The following FANCB variants were observed in gnomAD, a reference collection of about 807,000 sequenced individuals.
FANCB encodes the protein FA complementation group B.
A neutral mutation model predicts 38.9 loss-of-function variants in FANCB; 5 were observed. That is an observed-to-expected ratio of 0.13 (90% CI 0.07 to 0.27). FANCB has a LOEUF of 0.27. Ranked by LOEUF, FANCB falls within the 10% of genes least tolerant of loss-of-function variation. The pLI is 1.00. For missense variants in FANCB, 573 were observed against 602.7 expected (o/e 0.95, Z 0.52); for synonymous variants, 236 against 215.4 (o/e 1.10, Z -0.84).
the FANCB span, chrX:14,731,452 G>A: frequency 8.9e-6 from 1 of 111,941 alleles, no homozygotes; most frequent in African/African-American, 3.3e-5. Flanking sequence ...TGTAGCTCAG[G>A]TCAGCTTGAA....
chrX:14,853,295 T>G, intron 5 of FANCB, 128 bp from the exon 6 acceptor site: 1 of 572,627 alleles, frequency 1.7e-6, no homozygotes. Flanking sequence ...AATAAAATAC[T>G]TCTCAGAGCA....
the FANCB span, among the ~76,000 whole-genome samples, chrX:14,728,960 C>A: frequency 3.6e-4 from 41 of 112,329 alleles, no homozygotes; most frequent in East Asian, 0.011. Flanking sequence ...TGAAATAGTT[C>A]TTCTCACCTT....
chrX:14,746,801 G>A, the FANCB span, among the ~76,000 whole-genome samples: 1 of 112,068 alleles, frequency 8.9e-6, no homozygotes, highest in Non-Finnish European at 1.9e-5. Flanking sequence ...AGTATCAAAT[G>A]TGCCACTTTC....
At chrX:14,729,175 C>A in the FANCB span, among the ~76,000 whole-genome samples, 1 of 111,998 alleles carries the variant, frequency 8.9e-6, no homozygotes, top group Admixed American at 9.5e-5. Flanking sequence ...ACCAAGTTTC[C>A]TTGTCTTTTG....
At chrX:14,869,162 A>C (rs1454655315) in intron 1 of FANCB, 119 bp from the exon 2 acceptor site, 1 of 112,179 alleles carries the variant, frequency 8.9e-6, no homozygotes, top group Non-Finnish European at 1.9e-5. Context: ...AAAGCATGAA[A>C]ATTACACATT....
At chrX:14,725,998 T>C in the FANCB span, among the ~76,000 whole-genome samples, 1 of 112,368 alleles carries the variant, frequency 8.9e-6, no homozygotes, top group African/African-American at 3.2e-5. Context: ...GCTCAGTTAC[T>C]AAAGATGGAA....
intron 1 of FANCB, among the ~76,000 whole-genome samples, chrX:14,870,839 T>C (rs2092492884): frequency 9.0e-6 from 1 of 111,586 alleles, no homozygotes; most frequent in African/African-American, 3.3e-5. Context: ...TAAGAAACCA[T>C]ATTAACTGTG....
chrX:14,704,119 A>T, the FANCB span, among the ~76,000 whole-genome samples: 1 of 112,192 alleles, frequency 8.9e-6, no homozygotes, highest in Non-Finnish European at 1.9e-5. Context: ...GTGTGGAAAC[A>T]GAGGGAATCT....
the FANCB span, among the ~76,000 whole-genome samples, chrX:14,787,374 G>A: frequency 1.8e-5 from 2 of 110,214 alleles, no homozygotes. Flanking sequence ...CAGGGGATGA[G>A]GGTGGGGGTG....
chrX:14,709,058 T>C, the FANCB span, among the ~76,000 whole-genome samples: 2 of 111,773 alleles, frequency 1.8e-5, no homozygotes, highest in African/African-American at 3.3e-5. Flanking sequence ...TTATAACTAT[T>C]GTATTGACAT....
the FANCB span, among the ~76,000 whole-genome samples, chrX:14,719,275 TAGG>T: frequency 8.9e-6 from 1 of 112,127 alleles, no homozygotes; most frequent in Admixed American, 9.5e-5. Context: ...ACCTGAAGAA[TAGG>T]AGAAGACACT....
intron 7 of FANCB, among the ~76,000 whole-genome samples, chrX:14,847,376 G>T (rs1178436988): frequency 9.0e-6 from 1 of 111,109 alleles, no homozygotes; most frequent in Non-Finnish European, 1.9e-5. Context: ...TCAATGACTG[G>T]ATTAAATAGC....
intron 1 of FANCB, 32 bp downstream of exon 1, chrX:14,872,954 T>C: frequency 8.6e-6 from 1 of 115,968 alleles, no homozygotes; most frequent in Middle Eastern, 4.4e-3. Context: ...TGCGAAGTCC[T>C]GGGAAGGGAA....
the FANCB span, among the ~76,000 whole-genome samples, chrX:14,742,932 T>G: frequency 8.8e-6 from 1 of 113,247 alleles, no homozygotes; most frequent in Non-Finnish European, 1.9e-5. Flanking sequence ...GTATAGTTTA[T>G]AAATTGCTTT....
the FANCB span, among the ~76,000 whole-genome samples, chrX:14,779,881 A>G: frequency 9.0e-6 from 1 of 111,199 alleles, no homozygotes; most frequent in Admixed American, 9.5e-5. Context: ...AACATTCCAC[A>G]TGAAACAGAA....
the FANCB span, among the ~76,000 whole-genome samples, chrX:14,772,203 A>C: frequency 1.8e-5 from 2 of 110,085 alleles, no homozygotes; most frequent in Non-Finnish European, 3.8e-5. Context: ...AGCAGACTGA[A>C]ACAGTTGAGT....
At chrX:14,825,592 T>G in the FANCB span, among the ~76,000 whole-genome samples, 1 of 112,069 alleles carries the variant, frequency 8.9e-6, no homozygotes, top group African/African-American at 3.3e-5. Context: ...TTTTGTCCTC[T>G]CTATTTTGAA....
At chrX:14,702,335 A>T in the FANCB span, among the ~76,000 whole-genome samples, 11 of 112,088 alleles carry the variant, frequency 9.8e-5, no homozygotes, top group African/African-American at 3.2e-4. Flanking sequence ...AATAAGGCAC[A>T]AGATCAGGAA....
the FANCB span, among the ~76,000 whole-genome samples, chrX:14,781,046 G>A: frequency 9.1e-6 from 1 of 109,576 alleles, no homozygotes; most frequent in Non-Finnish European, 1.9e-5. Flanking sequence ...TATCAAGAAA[G>A]AGAAAAAAAC....
Sources: gnomAD v4.1 joint callset for allele counts (sites outside exome capture counted in the v4.1 genomes callset) on GRCh38, gnomAD v4.1.1 for gene constraint, MANE v1.5 for transcripts, NCBI Gene and HGNC (gene_info 2026-07-23, HGNC 2026-07-21) for gene names.